Variants in USP34 observed in about 807,000 individuals in gnomAD.
USP34 encodes the protein ubiquitin carboxyl-terminal hydrolase 34.
In USP34, 70 loss-of-function variants were observed where a neutral mutation model predicts 460.3. The ratio of observed to expected loss-of-function variants is 0.15; its 90% CI spans 0.13 to 0.19. USP34 has a LOEUF of 0.19. Ranked by LOEUF, USP34 falls within the 10% of genes least tolerant of loss-of-function variation. The pLI is 1.00. For synonymous variants in USP34, 1,647 were observed against 1,405.3 expected, an observed-to-expected ratio of 1.17 and a Z score of -3.85; for missense variants, 3,985 against 4,236.2, an observed-to-expected ratio of 0.94 and a Z score of 1.65.
chr2:61,302,152 G>C (rs900556694), intron 27 of USP34, among the ~76,000 whole-genome samples: 1 of 151,998 alleles, frequency 6.6e-6, no homozygotes, highest in Non-Finnish European at 1.5e-5. Context: ...AATGATTAGA[G>C]CAGGAAAATT....
At chr2:61,318,050 G>A (rs754326076) in intron 22 of USP34, among the ~76,000 whole-genome samples, 9 of 151,672 alleles carry the variant, frequency 5.9e-5, no homozygotes, top group Middle Eastern at 3.2e-3. Context: ...AAAATCAGCC[G>A]GGCATGGTGG....
chr2:61,266,689 C>T (rs1338648187), intron 41 of USP34, among the ~76,000 whole-genome samples: 1 of 152,132 alleles, frequency 6.6e-6, no homozygotes, highest in Non-Finnish European at 1.5e-5. Flanking sequence ...TGCTATTTTA[C>T]CAAGTTATCA....
In USP34 at chr2:61,208,962, T is replaced by C. The variant is rs770533983; in HGVS notation, c.8856A>G (p.Leu2952=). The C allele has an allele frequency of 3.8e-6, 6 of 1,591,888 alleles. No individual in the cohort carries two copies. In the Middle Eastern group the frequency reaches 5.0e-4, roughly 133 times the overall value. The part of the protein sequence containing the change: ...WTTLISAFRI[L]LESDEDRLLV... ...GAAGTCTGTCTTCATCAGATTCTAA[T>C]AGTATTCTGAAGGCACTAGAAGAAA... Residue 2952 remains leucine, a synonymous_variant, in exon 70 of 80, where the codon CTA becomes CTG. Transcript: ENST00000398571.
chr2:61,403,060 C>A (rs934373104), intron 3 of USP34, among the ~76,000 whole-genome samples: 1 of 152,030 alleles, frequency 6.6e-6, no homozygotes, highest in African/African-American at 2.4e-5. Flanking sequence ...TAAAGAGGCA[C>A]ATATCTAATA....
At position 61,206,812 on chromosome 2, in the gene USP34, C is replaced by G; in HGVS notation, c.8994G>C (p.Leu2998=). 1 of 1,613,646 alleles carries G rather than the reference C, an allele frequency of 6.2e-7. No individual in the cohort carries two copies. Among genetic ancestry groups the G allele is most frequent in the Non-Finnish European group, 8.5e-7 (1 of 1,179,754 alleles). The change falls in exon 71 of 80, where the codon CTG becomes CTC. Residue 2998 remains leucine, a synonymous_variant. Transcript: ENST00000398571. ...CHVTGDLVEL[L]SIFLSVLKST... is the part of the protein sequence containing the mutation. ...ACTTCAAAACCGAAAGAAATATTGA[C>G]AGAAGTTCTACTAAATCTCCAGTCA...
At chr2:61,290,146 T>G (rs1689807731) in intron 33 of USP34, among the ~76,000 whole-genome samples, 1 of 152,166 alleles carries the variant, frequency 6.6e-6, no homozygotes, top group Admixed American at 6.5e-5. Flanking sequence ...GAAGCCACCG[T>G]GAGCTAACAC....
At position 61,266,164 on chromosome 2, in the gene USP34, A is replaced by C. The variant is rs576097521; in HGVS notation, c.5437T>G (p.Phe1813Val). The C allele has an allele frequency of 6.2e-7, 1 of 1,606,778 alleles. No homozygotes were observed. Residue 1813 changes from phenylalanine (F) to valine (V), a missense_variant, in exon 42 of 80, where the codon TTT (phenylalanine) becomes GTT (valine). Phe to Val is a conservative substitution (Grantham distance 50). This residue lies in a region of USP34 where 1,114 missense variants were observed against 1,122.5 expected (regional missense o/e 0.99). Coordinates refer to ENST00000398571, the MANE Select transcript of USP34 (RefSeq NM_014709.4). The stretch of plus-strand genomic sequence containing the variant: ...AGGAGATTGAAGATATCTCTCAAAA[A>C]TTCCTGGGGAGTAAAAGGAAACATG... ...PFKFSREGQEFLRDIFNLLFL... is the reference protein window; with the variant it reads ...PFKFSREGQEVLRDIFNLLFL...
chr2:61,414,845 G>T (rs574231524), intron 2 of USP34, among the ~76,000 whole-genome samples: 1 of 152,240 alleles, frequency 6.6e-6, no homozygotes, highest in Admixed American at 6.5e-5. Flanking sequence ...TGATCAGTCT[G>T]AAGTTACAAA....
At chr2:61,463,109 T>C (rs749044291) in intron 1 of USP34, among the ~76,000 whole-genome samples, 8 of 152,212 alleles carry the variant, frequency 5.3e-5, no homozygotes, top group African/African-American at 9.6e-5. Flanking sequence ...CGTACCTATA[T>C]ACTCATAGTA....
At chr2:61,397,394 G>A (rs926423208) in intron 3 of USP34, among the ~76,000 whole-genome samples, 4 of 149,542 alleles carry the variant, frequency 2.7e-5, no homozygotes, top group Non-Finnish European at 3.0e-5. Flanking sequence ...AGTGAGTCAC[G>A]ATTGCACCAC....
rs759179932 is a variant in USP34, at chr2:61,280,358, A to C, written c.5152-10T>G. On this transcript the variant is annotated splice_polypyrimidine_tract_variant and intron_variant, in intron 38 of 79. Transcript: ENST00000398571. The stretch of plus-strand genomic sequence containing the variant: ...CCTCATAATCATCTATCTATTAAAA[A>C]AATTTTATACTTTGTGAAAACATTT... 1.2e-5 allele frequency: 17 copies of C among 1,364,026 alleles called. No individual in the cohort carries two copies. 84.5% of individuals were successfully genotyped at this position (1,364,026 alleles called of 1,614,324 possible).
chr2:61,387,508 T>G (rs988902010), intron 5 of USP34, among the ~76,000 whole-genome samples: 1 of 147,640 alleles, frequency 6.8e-6, no homozygotes, highest in Non-Finnish European at 1.5e-5. Context: ...TATATATATG[T>G]ATGTATGTAT....
intron 2 of USP34, among the ~76,000 whole-genome samples, chr2:61,419,998 A>G (rs1295096301): frequency 6.6e-6 from 1 of 152,230 alleles, no homozygotes; most frequent in Non-Finnish European, 1.5e-5. Context: ...GGATATTACC[A>G]TAGAGCAAAT....
intron 53 of USP34, among the ~76,000 whole-genome samples, chr2:61,237,554 ATTTTTTTTTTTTTTTT>A (rs71403400): frequency 5.1e-4 from 23 of 45,154 alleles, no homozygotes; most frequent in South Asian, 3.4e-3. Flanking sequence ...TTTTCTGTGG[ATTTTTTTTTTTTTTTT>A]TTTTTTTTTT....
chr2:61,457,171 G>A (rs1695464449), intron 1 of USP34, among the ~76,000 whole-genome samples: 2 of 152,202 alleles, frequency 1.3e-5, no homozygotes, highest in African/African-American at 4.8e-5. Flanking sequence ...AGCTACTCAG[G>A]TGGCTGAGGT....
intron 67 of USP34, among the ~76,000 whole-genome samples, chr2:61,219,680 A>G (rs1687502593): frequency 6.6e-6 from 1 of 152,064 alleles, no homozygotes; most frequent in Admixed American, 6.6e-5. Context: ...CAAAAAAAAA[A>G]AAAAAAAATT....
chr2:61,195,094 C>G (rs918969600), intron 75 of USP34, among the ~76,000 whole-genome samples: 4 of 151,990 alleles, frequency 2.6e-5, no homozygotes, highest in Non-Finnish European at 5.9e-5. Flanking sequence ...GTGGCACACA[C>G]CTGTAATCCC....
chr2:61,440,962 C>G (rs924374370), intron 1 of USP34, among the ~76,000 whole-genome samples: 7 of 151,494 alleles, frequency 4.6e-5, no homozygotes, highest in Non-Finnish European at 1.0e-4. Context: ...CCCGTCTCTA[C>G]TAAAAATACA....
intron 75 of USP34, chr2:61,193,990 A>C (rs1400635522): frequency 2.3e-6 from 1 of 429,430 alleles, no homozygotes; most frequent in African/African-American, 2.2e-5. Context: ...TCATGTCAGA[A>C]AATATTCTAT....
Sources: allele counts gnomAD v4.1 joint callset (sites outside exome capture counted in the v4.1 genomes callset), GRCh38; gene constraint gnomAD v4.1.1; regional missense constraint gnomAD v4.1.1; transcripts MANE v1.5; gene names NCBI Gene and HGNC (gene_info 2026-07-23, HGNC 2026-07-21).